ADGRE5: variants seen among roughly 807,000 people sequenced by gnomAD.
ADGRE5 encodes CD97 molecule.
Under a neutral mutation model 100.3 loss-of-function variants are expected in ADGRE5, and 72 were observed. The ratio of observed to expected loss-of-function variants is 0.72; its 90% CI spans 0.59 to 0.87. The LOEUF is 0.87. ADGRE5 is among the 40% of genes least tolerant of loss of function. The pLI is 0.00. For missense variants in ADGRE5, 959 were observed against 1,094.7 expected, an observed-to-expected ratio of 0.88 and a Z score of 1.75; for synonymous variants, 439 against 447.8, an observed-to-expected ratio of 0.98 and a Z score of 0.25.
chr19:14,391,095 C>A lies in ADGRE5; in HGVS notation c.346+16C>A, dbSNP rs773209531. On this transcript the variant is annotated intron_variant, in intron 4 of 19. Transcript: ENST00000242786. ...ACCTGTCAAGGTAAGAACCACCCCA[C>A]GTCCTCTGACTTTCCATCCATGAGG... 6.2e-7 allele frequency: 1 copy of A among 1,613,872 alleles called. No individual in the cohort carries two copies.
At position 14,388,855 on chromosome 19, in the gene ADGRE5, G is replaced by A. The variant is rs374583489; in HGVS notation, c.190+37G>A. ...TGAGGGCAGCGCAGGGGACATCCGC[G>A]ATTATGAGGCATTGCCCAGCCAGTG... On this transcript the variant is annotated intron_variant, in intron 3 of 19. Coordinates refer to ENST00000242786, the MANE Select transcript of ADGRE5 (RefSeq NM_078481.4). 2.5e-5 allele frequency: 39 copies of A among 1,584,982 alleles called. 1 individual carries two copies. Among genetic ancestry groups the A allele is most frequent in the African/African-American group, 1.9e-4 (14 of 74,430 alleles).
At chr19:14,390,525 T>C (rs1353102104) in intron 3 of ADGRE5, among the ~76,000 whole-genome samples, 1 of 152,102 alleles carries the variant, frequency 6.6e-6, no homozygotes, top group Admixed American at 6.6e-5. Flanking sequence ...GGTTTTGCCA[T>C]CTTGGCCAGG....
In ADGRE5 at chr19:14,407,090, T is replaced by A. The variant is rs1366585492; in HGVS notation, c.2237T>A (p.Leu746His). The stretch of plus-strand genomic sequence containing the variant: ...CTGACCATCACGGCCATCGCGCAGC[T>A]CTTCCTGTTGGGCTGCACCTGGGTC... ...RALTITAIAQ[L>H]FLLGCTWVFG... Residue 746 changes from leucine to histidine, a missense_variant, in exon 18 of 20, where the codon CTC becomes CAC. Leu to His is a moderately conservative substitution (Grantham distance 99, BLOSUM62 -3). Coordinates refer to ENST00000242786, the MANE Select transcript of ADGRE5 (RefSeq NM_078481.4). The A allele has an allele frequency of 6.2e-7, 1 of 1,614,122 alleles. No individual in the cohort carries two copies. The highest frequency in any genetic ancestry group is 1.7e-5 in the Admixed American group (1 of 60,028).
chr19:14,389,557 ACCT>A (rs1286636683), intron 3 of ADGRE5, among the ~76,000 whole-genome samples: 1 of 149,972 alleles, frequency 6.7e-6, no homozygotes, highest in East Asian at 2.0e-4. Context: ...ACATGGTGAA[ACCT>A]CCTCTCTATA....
At chr19:14,397,996 C>G in intron 8 of ADGRE5, 61 bp downstream of exon 8, 2 of 1,533,704 alleles carry the variant, frequency 1.3e-6, no homozygotes, top group Non-Finnish European at 1.8e-6. Context: ...CTGCATCCGT[C>G]TCCTTGTTCT....
At chr19:14,404,068 G>A (rs1307299825) in intron 12 of ADGRE5, among the ~76,000 whole-genome samples, 6 of 151,698 alleles carry the variant, frequency 4.0e-5, no homozygotes, top group Admixed American at 2.0e-4. Context: ...TAGTGGAGAC[G>A]GGGTTTCGCC....
intron 1 of ADGRE5, among the ~76,000 whole-genome samples, chr19:14,382,180 A>T (rs1975182382): frequency 6.6e-6 from 1 of 152,178 alleles, no homozygotes; most frequent in Non-Finnish European, 1.5e-5. Flanking sequence ...CTCGTTGCCT[A>T]AGCAACGGGG....
chr19:14,388,840 G>A (rs759020302), intron 3 of ADGRE5, 22 bp downstream of exon 3: 49 of 1,604,400 alleles, frequency 3.1e-5, no homozygotes, highest in African/African-American at 8.0e-5. Flanking sequence ...TGAGGGCAGC[G>A]CAGGGGACAT....
At position 14,407,924 on chromosome 19, in the gene ADGRE5, G is replaced by C; in HGVS notation, c.2393G>C (p.Arg798Pro). The change falls in exon 19 of 20, where the codon CGG becomes CCG. Residue 798 changes from arginine to proline, a missense_variant. Physicochemically the swap from Arg to Pro is moderately radical, Grantham distance 103 (BLOSUM62 -2). Around this residue, in one of 6 missense-constraint regions of ADGRE5, gnomAD observed 428 missense variants for 386.2 expected, o/e 1.11. Coordinates refer to ENST00000242786, the MANE Select transcript of ADGRE5 (RefSeq NM_078481.4). ...GGCCGGCAGGTTCGGGAAGAATACC[G>C]GAAGTGGGCCTGCCTAGTTGCTGGG... ...LLNKKVREEY[R>P]KWACLVAGGS... The C allele has an allele frequency of 1.2e-6, 2 of 1,614,034 alleles. No individual in the cohort carries two copies. Among genetic ancestry groups the C allele is most frequent in the Non-Finnish European group, 1.7e-6 (2 of 1,179,970 alleles).
At chr19:14,405,671 G>A (rs1976195498) in intron 13 of ADGRE5, 77 bp from the exon 14 acceptor site, 5 of 1,081,302 alleles carry the variant, frequency 4.6e-6, no homozygotes, top group Non-Finnish European at 6.9e-6. Flanking sequence ...CAAAGTGTGG[G>A]GGGGAAAAGG....
At position 14,405,675 on chromosome 19, in the gene ADGRE5, G is replaced by GA. The variant is rs1394748050; in HGVS notation, c.1630-69dup. The GA allele has an allele frequency of 7.4e-5, 86 of 1,154,596 alleles. 3 individuals are homozygous for GA. The South Asian group carries it at 1.1e-3, about 15-fold the overall frequency. 71.5% of individuals were successfully genotyped at this position (1,154,596 alleles called of 1,614,324 possible). On this transcript the variant is annotated intron_variant, in intron 13 of 19. Coordinates refer to ENST00000242786, the MANE Select transcript of ADGRE5 (RefSeq NM_078481.4). ...GGTGGGCCCGTCAAAGTGTGGGGGG[G>GA]AAAAGGGACCACAAAGAGGGCAGGA...
At chr19:14,397,538 C>T in intron 6 of ADGRE5, 120 bp from the exon 7 acceptor site, 12 of 1,518,270 alleles carry the variant, frequency 7.9e-6, no homozygotes, top group South Asian at 1.2e-5. Flanking sequence ...CTTCCATAAC[C>T]CAGCGTCCAC....
intron 1 of ADGRE5, among the ~76,000 whole-genome samples, chr19:14,386,050 C>T (rs1343641980): frequency 1.3e-5 from 2 of 151,268 alleles, no homozygotes; most frequent in Non-Finnish European, 2.9e-5. Flanking sequence ...GGATTACAGG[C>T]ATGAGCCACT....
chr19:14,391,902 C>T (rs1475889032), intron 4 of ADGRE5, among the ~76,000 whole-genome samples: 4 of 148,644 alleles, frequency 2.7e-5, no homozygotes, highest in Admixed American at 2.7e-4. Context: ...TTGAGACCAG[C>T]CTGACCAACA....
chr19:14,404,761 G>C, intron 13 of ADGRE5, 199 bp downstream of exon 13: 1 of 547,614 alleles, frequency 1.8e-6, no homozygotes. Context: ...TATACACTGG[G>C]TGCAGCCACT....
In ADGRE5 at chr19:14,406,587, G is replaced by A. The variant is rs1226751329; in HGVS notation, c.2048+30G>A. On this transcript the variant is annotated intron_variant, in intron 15 of 19. Coordinates refer to ENST00000242786, the MANE Select transcript of ADGRE5 (RefSeq NM_078481.4). This position sits in a 1 kb window ranked among gnomAD's most constrained non-coding sequence, Gnocchi z 6.0. Reference sequence around the variant, plus strand: ...GTGCAGCGAGATGGGGCAGGAGGAAGGCGGGGTGCTGGGCCTGGGGCTCAC... The same window carrying A: ...GTGCAGCGAGATGGGGCAGGAGGAAAGCGGGGTGCTGGGCCTGGGGCTCAC... The A allele has an allele frequency of 6.2e-7, 1 of 1,606,382 alleles. No individual in the cohort carries two copies.
rs184405389 is a variant in ADGRE5 at position 14,399,191 on chromosome 19, A to G, written c.897+1052A>G. ...CAGGCATGAAAGTAATGCCTCCTTC[A>G]TATAGTCAGTGTGAAGGGTAAATCA... is the stretch of plus-strand genomic sequence containing the variant. On this transcript the variant is annotated intron_variant, in intron 9 of 19. Transcript: ENST00000242786. Among the ~76,000 whole-genome samples, 86 of 151,990 alleles carry G rather than the reference A, an allele frequency of 5.7e-4. 1 individual carries two copies. The highest frequency in any genetic ancestry group is 4.6e-3 in the Admixed American group (70 of 15,238).
chr19:14,382,938 G>C (rs1975213136), intron 1 of ADGRE5, among the ~76,000 whole-genome samples: 1 of 152,020 alleles, frequency 6.6e-6, no homozygotes, highest in South Asian at 2.1e-4. Context: ...GTTTCACCAT[G>C]ATGGCCAGGC....
intron 12 of ADGRE5, among the ~76,000 whole-genome samples, chr19:14,403,453 A>G (rs529500310): frequency 6.5e-4 from 99 of 152,106 alleles, no homozygotes; most frequent in African/African-American, 2.3e-3. Context: ...CCTGAACTCA[A>G]CCATTCCTCC....
Sources: allele counts gnomAD v4.1 joint callset (sites outside exome capture counted in the v4.1 genomes callset), GRCh38; gene constraint gnomAD v4.1.1; regional missense constraint gnomAD v4.1.1; non-coding constraint Gnocchi (gnomAD v3.1); transcripts MANE v1.5; gene names NCBI Gene and HGNC (gene_info 2026-07-23, HGNC 2026-07-21).